Variants in CPA6 observed in about 807,000 individuals in gnomAD.
CPA6 encodes carboxypeptidase A6.
Under a neutral mutation model 63.3 loss-of-function variants are expected in CPA6, and 58 were observed. The observed-to-expected ratio is 0.92, with a 90% CI of 0.74 to 1.14. CPA6 has a LOEUF of 1.14. Ranked by LOEUF, CPA6 falls within the 50% of genes most tolerant of loss-of-function variation. The pLI is 0.00. For missense variants in CPA6, 565 were observed against 526.6 expected (o/e 1.07, Z -0.71); for synonymous variants, 185 against 179.0 (o/e 1.03, Z -0.27).
chr8:67,436,375 TG>T (rs1158625234), intron 8 of CPA6, among the ~76,000 whole-genome samples: 11 of 141,370 alleles, frequency 7.8e-5, no homozygotes, highest in African/African-American at 3.3e-4. Context: ...TTTGGGTTTT[TG>T]TTGTTGGGTA....
At chr8:67,561,489 G>A (rs1030691798) in intron 2 of CPA6, among the ~76,000 whole-genome samples, 7 of 152,156 alleles carry the variant, frequency 4.6e-5, no homozygotes, top group African/African-American at 1.2e-4. Context: ...ACGAGGAAAC[G>A]TCAGACAAAG....
intron 1 of CPA6, among the ~76,000 whole-genome samples, chr8:67,681,978 C>T (rs1816608795): frequency 6.6e-6 from 1 of 151,916 alleles, no homozygotes; most frequent in African/African-American, 2.4e-5. Context: ...TGCACTGAAT[C>T]TATAGATCAA....
intron 1 of CPA6, among the ~76,000 whole-genome samples, chr8:67,684,136 C>T (rs1322427056): frequency 6.6e-6 from 1 of 150,796 alleles, no homozygotes; most frequent in African/African-American, 2.4e-5. Context: ...AAACTCCTGC[C>T]TCAGTCCCTG....
chr8:67,525,933 G>T (rs551385036), intron 2 of CPA6, among the ~76,000 whole-genome samples: 200 of 152,226 alleles, frequency 1.3e-3, no homozygotes, highest in African/African-American at 4.7e-3. Flanking sequence ...CATATTATTT[G>T]GGTGATGGTA....
chr8:67,518,953 A>G (rs998651540), intron 2 of CPA6, among the ~76,000 whole-genome samples: 2 of 152,130 alleles, frequency 1.3e-5, no homozygotes, highest in Admixed American at 1.3e-4. Flanking sequence ...CATAGTTTTT[A>G]GAGCACCTGG....
At chr8:67,745,921 C>G in intron 1 of CPA6, 93 bp downstream of exon 1, 1 of 773,890 alleles carries the variant, frequency 1.3e-6, no homozygotes, top group Non-Finnish European at 2.1e-6. Flanking sequence ...ACTCAGAGAC[C>G]CCCAAATCAG....
chr8:67,423,448 C>T (rs1809812983), intron 10 of CPA6, among the ~76,000 whole-genome samples: 1 of 152,190 alleles, frequency 6.6e-6, no homozygotes. Context: ...CTATTCTGTG[C>T]CTTTACTTAG....
intron 6 of CPA6, among the ~76,000 whole-genome samples, chr8:67,499,068 T>C (rs368498969): frequency 9.2e-5 from 14 of 152,360 alleles, no homozygotes; most frequent in African/African-American, 3.1e-4. Flanking sequence ...AAGCCCAATT[T>C]ACCAGTCATT....
At chr8:67,475,932 TTCTCTTTCTTTCTCTG>T (rs1380054392) in intron 8 of CPA6, among the ~76,000 whole-genome samples, 1 of 77,090 alleles carries the variant, frequency 1.3e-5, no homozygotes, top group Non-Finnish European at 2.6e-5. Flanking sequence ...CTTTCTTTCT[TTCTCTTTCTTTCTCTG>T]TCTTTCTTTC....
At chr8:67,441,235 C>T (rs902560533) in intron 8 of CPA6, among the ~76,000 whole-genome samples, 5 of 152,034 alleles carry the variant, frequency 3.3e-5, no homozygotes, top group Admixed American at 2.0e-4. Flanking sequence ...TAAGGATGTG[C>T]AGTAGAAAAT....
At chr8:67,496,897 T>C (rs1324330536) in intron 6 of CPA6, among the ~76,000 whole-genome samples, 1 of 152,072 alleles carries the variant, frequency 6.6e-6, no homozygotes, top group Non-Finnish European at 1.5e-5. Context: ...CCTTACTCTT[T>C]AGGTATCCAC....
At chr8:67,674,480 T>C (rs976762765) in intron 1 of CPA6, among the ~76,000 whole-genome samples, 2 of 152,244 alleles carry the variant, frequency 1.3e-5, no homozygotes, top group African/African-American at 4.8e-5. Context: ...GTATGACTGA[T>C]TCTTTTTGTG....
chr8:67,443,952 C>T (rs1226103245), intron 8 of CPA6, among the ~76,000 whole-genome samples: 1 of 151,356 alleles, frequency 6.6e-6, no homozygotes, highest in Non-Finnish European at 1.5e-5. Context: ...GGTTTGATAA[C>T]ATCTTACCTC....
chr8:67,489,639 T>C, intron 6 of CPA6, among the ~76,000 whole-genome samples: 1 of 152,190 alleles, frequency 6.6e-6, no homozygotes, highest in East Asian at 1.9e-4. Context: ...AATGTTCCAA[T>C]TGTGCTTAAA....
At chr8:67,493,593 T>C (rs540232808) in intron 6 of CPA6, among the ~76,000 whole-genome samples, 3 of 152,218 alleles carry the variant, frequency 2.0e-5, no homozygotes, top group Non-Finnish European at 4.4e-5. Context: ...CTGAATCACA[T>C]GCCAGATGTT....
intron 1 of CPA6, among the ~76,000 whole-genome samples, chr8:67,649,582 C>T (rs754243407): frequency 1.2e-4 from 19 of 152,094 alleles, no homozygotes; most frequent in Admixed American, 7.2e-4. Context: ...AAATAGTAAA[C>T]GAAGGCAATG....
intron 2 of CPA6, among the ~76,000 whole-genome samples, chr8:67,598,515 T>C (rs1332261416): frequency 6.6e-6 from 1 of 152,172 alleles, no homozygotes; most frequent in Non-Finnish European, 1.5e-5. Context: ...TCACTTTTCC[T>C]ATTTAGCAAG....
At chr8:67,477,161 G>A (rs1327171407) in intron 8 of CPA6, among the ~76,000 whole-genome samples, 1 of 151,616 alleles carries the variant, frequency 6.6e-6, no homozygotes, top group African/African-American at 2.4e-5. Context: ...AGTGGTGGCG[G>A]GCACCTGTAG....
Position 67,453,262 on chromosome 8 carries a change from A to C in CPA6, c.839-19022T>G, listed in dbSNP as rs576082229. Among the ~76,000 whole-genome samples the C allele has an allele frequency of 2.6e-5, 4 of 152,254 alleles. No homozygotes were observed. In the East Asian group the frequency reaches 7.7e-4, roughly 29 times the overall value. ...AGGGTTGGAATCTGGAGCGATTCTT[A>C]AGGTAAAATCAAAGGGATTTCATAA... is the stretch of plus-strand genomic sequence containing the variant. On this transcript the variant is annotated intron_variant, in intron 8 of 10. Coordinates refer to ENST00000297770, the MANE Select transcript of CPA6 (RefSeq NM_020361.5).
Sources: allele counts gnomAD v4.1 joint callset (sites outside exome capture counted in the v4.1 genomes callset), GRCh38; gene constraint gnomAD v4.1.1; transcripts MANE v1.5; gene names NCBI Gene and HGNC (gene_info 2026-07-23, HGNC 2026-07-21).